SACS: variants seen among roughly 807,000 people sequenced by gnomAD.
SACS encodes sacsin.
A neutral mutation model predicts 348.0 loss-of-function variants in SACS; 197 were observed. The observed-to-expected ratio is 0.57, with a 90% CI of 0.50 to 0.64. SACS has a LOEUF of 0.64. SACS is among the 30% of genes least tolerant of loss of function. The pLI is 0.00. For missense variants in SACS, 4,999 were observed against 5,360.8 expected (o/e 0.93, Z 2.11); for synonymous variants, 1,985 against 1,910.6 (o/e 1.04, Z -1.02).
chr13:23,415,268 G>A (rs1873652292), intron 1 of SACS, among the ~76,000 whole-genome samples: 1 of 152,126 alleles, frequency 6.6e-6, no homozygotes, highest in East Asian at 1.9e-4. Context: ...CTCACCTCAG[G>A]TGATCCACCC....
chr13:23,359,309 G>A (rs1056186446), intron 6 of SACS, among the ~76,000 whole-genome samples: 1 of 152,098 alleles, frequency 6.6e-6, no homozygotes, highest in Non-Finnish European at 1.5e-5. Flanking sequence ...CTTTTAACAT[G>A]TTGTATGCCT....
chr13:23,384,689 A>G lies in SACS; in HGVS notation c.21-9420T>C, dbSNP rs9580608. On this transcript the variant is annotated intron_variant, in intron 2 of 9. Transcript: ENST00000382292. ...GTAATGGTGAAAAAAACAGGGCCCA[A>G]GGGGAGTTGGGATTCAGACTGTGGA... Among the ~76,000 whole-genome samples, 8 of 152,254 alleles carry G rather than the reference A, an allele frequency of 5.3e-5. No individual in the cohort carries two copies. The East Asian group carries it at 1.5e-3, about 29-fold the overall frequency.
At chr13:23,408,118 T>C (rs1593177104) in intron 2 of SACS, among the ~76,000 whole-genome samples, 1 of 152,266 alleles carries the variant, frequency 6.6e-6, no homozygotes, top group African/African-American at 2.4e-5. Context: ...TGTCAGAATA[T>C]GATTTTGAGC....
chr13:23,330,591 A>T lies in SACS; in HGVS notation c.13285T>A (p.Ser4429Thr), dbSNP rs1566054676. 6.2e-7 allele frequency: 1 copy of T among 1,614,008 alleles called. No individual in the cohort carries two copies. The highest frequency in any genetic ancestry group is 8.5e-7 in the Non-Finnish European group (1 of 1,179,982). Reference protein sequence around the residue: ...KCPPSAGQTYSQRFFVPPTFK... With the variant: ...KCPPSAGQTYTQRFFVPPTFK... ...GTGGGAGGAACAAAGAACCTTTGAG[A>T]GTAAGTCTGTCCGGCTGAAGGGGGG... Residue 4429 changes from serine to threonine, a missense_variant, in exon 10 of 10, where the codon TCT becomes ACT. By Grantham distance (58) the Ser-to-Thr change is moderately conservative (BLOSUM62 1). This residue lies in a region of SACS where 254 missense variants were observed against 275.1 expected (regional missense o/e 0.92). Transcript: ENST00000382292.
In SACS at chr13:23,337,122, C is replaced by A. The variant is rs886050082; in HGVS notation, c.6754G>T (p.Asp2252Tyr). ...ATTGGTTGCAAAAGACAAACTATAT[C>A]TTGATGTTCAGCTGTATAAAGGTCA... ...ATDLYTAEHQ[D>Y]IVCLLQPILN... The change falls in exon 10 of 10, where the codon GAT becomes TAT. Residue 2252 changes from aspartate to tyrosine, a missense_variant. Transcript: ENST00000382292. 3.1e-6 allele frequency: 5 copies of A among 1,613,982 alleles called. No individual in the cohort carries two copies. The highest frequency in any genetic ancestry group is 4.2e-6 in the Non-Finnish European group (5 of 1,179,902).
In SACS at chr13:23,334,051, T is replaced by C. The variant is rs761346441; in HGVS notation, c.9825A>G (p.Leu3275=). 1.2e-6 allele frequency: 2 copies of C among 1,613,874 alleles called. No individual in the cohort carries two copies. Among genetic ancestry groups the C allele is most frequent in the Middle Eastern group, 1.6e-4 (1 of 6,062 alleles). Residue 3275 remains leucine, a synonymous_variant, in exon 10 of 10, where the codon CTA becomes CTG. Coordinates refer to ENST00000382292, the MANE Select transcript of SACS (RefSeq NM_014363.6). The part of the protein sequence containing the change: ...KPTFDIVVDT[L]KDWALLPGTK... The stretch of plus-strand genomic sequence containing the variant: ...TTCCTGGAAGCAATGCCCAGTCTTT[T>C]AGAGTATCAACAACAATGTCAAATG...
intron 2 of SACS, among the ~76,000 whole-genome samples, chr13:23,392,459 A>G (rs1872562883): frequency 6.6e-6 from 1 of 152,210 alleles, no homozygotes; most frequent in African/African-American, 2.4e-5. Flanking sequence ...AGTCATTCAC[A>G]CACTTAGAAA....
intron 2 of SACS, among the ~76,000 whole-genome samples, chr13:23,380,699 G>A (rs769307655): frequency 3.9e-5 from 6 of 152,190 alleles, no homozygotes; most frequent in South Asian, 4.1e-4. Context: ...AGTCAGGAAC[G>A]TTGTAATTGC....
intron 2 of SACS, among the ~76,000 whole-genome samples, chr13:23,402,213 T>C (rs1873009902): frequency 6.7e-6 from 1 of 150,046 alleles, no homozygotes; most frequent in African/African-American, 2.4e-5. Flanking sequence ...AGAGATATAG[T>C]AGAGAAGCTA....
In SACS at chr13:23,330,960, T is replaced by C. The variant is rs766896799; in HGVS notation, c.12916A>G (p.Ile4306Val). The part of the protein sequence containing the change: ...KKLKVNSLPE[I>V]LKEVTSVVEQ... ...ACCACAGATGTCACTTCTTTTAAGA[T>C]TTCTGGTAAAGAATTAACCTTAAGC... Residue 4306 changes from isoleucine to valine, a missense_variant, in exon 10 of 10, where the codon ATC becomes GTC. Physicochemically the swap from Ile to Val is conservative, Grantham distance 29 (BLOSUM62 3). Coordinates refer to ENST00000382292, the MANE Select transcript of SACS (RefSeq NM_014363.6). 1.9e-6 allele frequency: 3 copies of C among 1,614,164 alleles called. No homozygotes were observed. Among genetic ancestry groups the C allele is most frequent in the South Asian group, 1.1e-5 (1 of 91,084 alleles).
At chr13:23,354,157 A>G (rs1032222265) in intron 8 of SACS, among the ~76,000 whole-genome samples, 2 of 152,236 alleles carry the variant, frequency 1.3e-5, no homozygotes, top group Non-Finnish European at 2.9e-5. Context: ...TCTCGTTTAT[A>G]AAGAATTACT....
intron 9 of SACS, among the ~76,000 whole-genome samples, chr13:23,353,210 C>T (rs898094740): frequency 2.0e-5 from 3 of 152,156 alleles, no homozygotes; most frequent in African/African-American, 7.2e-5. Context: ...TTTAAGACCC[C>T]CGCAAGACCC....
chr13:23,341,134 ACTG>A lies in SACS; in HGVS notation c.2739_2741del (p.Ser914del). The A allele has an allele frequency of 6.2e-7, 1 of 1,613,260 alleles. No individual in the cohort carries two copies. Among genetic ancestry groups the A allele is most frequent in the South Asian group, 1.1e-5 (1 of 91,058 alleles). On this transcript the variant is annotated inframe_deletion, in exon 10 of 10. Transcript: ENST00000382292. ...CTTGAATAATTCTTTTCTCTTTCTC[ACTG>A]CTATCGGTTAAACTAGCCAAGAACT...
At chr13:23,429,483 C>A (rs1219906643) in intron 1 of SACS, among the ~76,000 whole-genome samples, 1 of 150,762 alleles carries the variant, frequency 6.6e-6, no homozygotes, top group Non-Finnish European at 1.5e-5. Flanking sequence ...CTGCCTCAGC[C>A]TCCTGAGTAA....
intron 2 of SACS, among the ~76,000 whole-genome samples, chr13:23,398,427 G>T (rs7997886): frequency 6.7e-6 from 1 of 149,688 alleles, no homozygotes. Flanking sequence ...CCAGCTACTC[G>T]GGGGGCTGAG....
intron 1 of SACS, among the ~76,000 whole-genome samples, chr13:23,431,267 A>C (rs1049471608): frequency 6.6e-6 from 1 of 152,238 alleles, no homozygotes; most frequent in Non-Finnish European, 1.5e-5. Flanking sequence ...TGGCGTTAAA[A>C]GGCTTTCTAA....
At chr13:23,368,638 G>C (rs956540337) in intron 4 of SACS, among the ~76,000 whole-genome samples, 151 bp from the exon 5 acceptor site, 2 of 152,160 alleles carry the variant, frequency 1.3e-5, no homozygotes, top group African/African-American at 4.8e-5. Flanking sequence ...TCTACCTGAC[G>C]AAGCAATTCA....
At chr13:23,346,370 T>G (rs1021015306) in intron 9 of SACS, among the ~76,000 whole-genome samples, 5 of 152,186 alleles carry the variant, frequency 3.3e-5, no homozygotes, top group African/African-American at 4.8e-5. Context: ...GGTCTTGAAC[T>G]CCTGACCTCG....
At chr13:23,392,753 T>C (rs1872575409) in intron 2 of SACS, among the ~76,000 whole-genome samples, 1 of 152,156 alleles carries the variant, frequency 6.6e-6, no homozygotes, top group Non-Finnish European at 1.5e-5. Flanking sequence ...CGGAAGGATA[T>C]TTGTTGAGAG....
Sources: gnomAD v4.1 joint callset for allele counts (sites outside exome capture counted in the v4.1 genomes callset) on GRCh38, gnomAD v4.1.1 for gene constraint, gnomAD v4.1.1 regional missense constraint, MANE v1.5 for transcripts, NCBI Gene and HGNC (gene_info 2026-07-23, HGNC 2026-07-21) for gene names.